ZIM2: variants seen among roughly 807,000 people sequenced by gnomAD.
ZIM2 encodes zinc finger imprinted 2.
In ZIM2, 14 loss-of-function variants were observed where a neutral mutation model predicts 38.6. The ratio of observed to expected loss-of-function variants is 0.36; its 90% CI spans 0.24 to 0.57. The LOEUF (loss-of-function observed/expected upper bound fraction) is 0.57. Ranked by LOEUF, ZIM2 falls within the 20% of genes least tolerant of loss-of-function variation. The pLI is 0.81. For missense variants in ZIM2, 680 were observed against 695.1 expected (o/e 0.98, Z 0.24); for synonymous variants, 247 against 245.8 (o/e 1.00, Z -0.04).
intron 5 of ZIM2, among the ~76,000 whole-genome samples, chr19:56,823,261 G>A (rs1010231): frequency 0.5 from 75,998 of 151,984 alleles, 19,553 homozygotes; most frequent in South Asian, 0.62. Flanking sequence ...CCTGAAAGCA[G>A]TGCTCCCTAT....
intron 9 of ZIM2, chr19:56,815,515 T>C (rs772504413): frequency 6.2e-7 from 1 of 1,614,112 alleles, no homozygotes; most frequent in South Asian, 1.1e-5. Context: ...AGCAAAGCAC[T>C]CCCCACACTC....
intron 2 of ZIM2, among the ~76,000 whole-genome samples, chr19:56,832,641 G>T (rs1411995512): frequency 6.6e-6 from 1 of 152,198 alleles, no homozygotes; most frequent in Admixed American, 6.5e-5. Context: ...TGGGCCAGGG[G>T]ACAAAGAAAG....
chr19:56,831,870 G>A (rs1418798964), intron 2 of ZIM2, among the ~76,000 whole-genome samples: 1 of 152,088 alleles, frequency 6.6e-6, no homozygotes. Context: ...TCCCATTTAC[G>A]TGTACACAGA....
intron 3 of ZIM2, among the ~76,000 whole-genome samples, chr19:56,825,962 A>G (rs1471497086): frequency 6.6e-6 from 1 of 152,156 alleles, no homozygotes; most frequent in East Asian, 1.9e-4. Flanking sequence ...CTCCCTATGC[A>G]AACTGCCCTC....
At chr19:56,817,444 T>C (rs572661707) in intron 9 of ZIM2, 1 of 1,614,028 alleles carries the variant, frequency 6.2e-7, no homozygotes, top group East Asian at 2.2e-5. Flanking sequence ...GTCGCTTGAC[T>C]CCCTTGCTCT....
At chr19:56,800,804 G>T (rs1190926155) in intron 9 of ZIM2, among the ~76,000 whole-genome samples, 1 of 152,076 alleles carries the variant, frequency 6.6e-6, no homozygotes, top group African/African-American at 2.4e-5. Flanking sequence ...TCATGATCAA[G>T]TCTGTGGAAG....
chr19:56,782,458 C>G (rs994278088), intron 10 of ZIM2: 1 of 462,992 alleles, frequency 2.2e-6, no homozygotes, highest in Non-Finnish European at 4.3e-6. Flanking sequence ...GTAGGTTAAG[C>G]CTCAGGGTCC....
At chr19:56,808,639 G>A (rs1423000202) in intron 9 of ZIM2, among the ~76,000 whole-genome samples, 1 of 152,136 alleles carries the variant, frequency 6.6e-6, no homozygotes, top group Non-Finnish European at 1.5e-5. Context: ...TGGCTAGCCT[G>A]CAGACAGTGT....
intron 10 of ZIM2, 47 bp downstream of exon 10, chr19:56,789,820 GAAGAT>G: frequency 7.1e-7 from 1 of 1,414,004 alleles, no homozygotes. Context: ...CACAAATTAG[GAAGAT>G]AAGATCCCCA....
At chr19:56,789,416 G>A (rs927539582) in intron 10 of ZIM2, among the ~76,000 whole-genome samples, 14 of 152,064 alleles carry the variant, frequency 9.2e-5, no homozygotes, top group East Asian at 3.9e-4. Flanking sequence ...TATCTCAATC[G>A]TATTATTTAA....
At chr19:56,829,121 C>A (rs559491353) in intron 2 of ZIM2, among the ~76,000 whole-genome samples, 5 of 151,992 alleles carry the variant, frequency 3.3e-5, no homozygotes, top group Non-Finnish European at 7.4e-5. Flanking sequence ...GAGGCCGAGG[C>A]GGGTAGATTA....
intron 7 of ZIM2, 140 bp from the exon 8 acceptor site, chr19:56,818,842 G>A: frequency 1.0e-6 from 1 of 967,168 alleles, no homozygotes; most frequent in Non-Finnish European, 1.6e-6. Context: ...AGTGATCCAA[G>A]TCAAGTGTTA....
At chr19:56,793,656 T>C (rs551579144) in intron 9 of ZIM2, among the ~76,000 whole-genome samples, 33 of 152,144 alleles carry the variant, frequency 2.2e-4, no homozygotes, top group Non-Finnish European at 3.8e-4. Context: ...AAAACCCCAA[T>C]AGGATAACAC....
At chr19:56,808,978 G>A (rs1364055616) in intron 9 of ZIM2, among the ~76,000 whole-genome samples, 1 of 152,190 alleles carries the variant, frequency 6.6e-6, no homozygotes, top group African/African-American at 2.4e-5. Flanking sequence ...TGACACCAGG[G>A]AGAGGTCAAG....
Position 56,785,270 on chromosome 19 carries a change from C to T in ZIM2, c.571-3149G>A, listed in dbSNP as rs181953006. 3.3e-3 allele frequency among the ~76,000 whole-genome samples: 508 copies of T among 152,188 alleles called. 7 individuals are homozygous for T. Among genetic ancestry groups the T allele is most frequent in the African/African-American group, 0.011 (477 of 41,504 alleles). On this transcript the variant is annotated intron_variant, in intron 10 of 12. Transcript: ENST00000629319. ...TATTTATATTCCCTTGGTAGTCCCT[C>T]CAGGGCATCTTTGCTTGGAATCCCT...
chr19:56,815,740 C>G, intron 9 of ZIM2: 1 of 1,614,138 alleles, frequency 6.2e-7, no homozygotes, highest in Non-Finnish European at 8.5e-7. Context: ...AGGTTTGGCA[C>G]GGAATACACT....
intron 1 of ZIM2, among the ~76,000 whole-genome samples, chr19:56,839,175 T>G (rs934975055): frequency 6.6e-6 from 1 of 150,552 alleles, no homozygotes; most frequent in African/African-American, 2.5e-5. Flanking sequence ...CTAGGTCCAA[T>G]GCCACCCTGT....
intron 9 of ZIM2, chr19:56,816,271 T>C: frequency 6.2e-7 from 1 of 1,614,016 alleles, no homozygotes; most frequent in Non-Finnish European, 8.5e-7. Flanking sequence ...TGGCCCACTA[T>C]GAATGACAGA....
chr19:56,839,141 G>A (rs916439473), intron 1 of ZIM2, among the ~76,000 whole-genome samples: 1 of 152,016 alleles, frequency 6.6e-6, no homozygotes, highest in South Asian at 2.1e-4. Flanking sequence ...ATGGCGCCCA[G>A]GTGGGTGGGG....
Sources: gnomAD v4.1 joint callset for allele counts (sites outside exome capture counted in the v4.1 genomes callset) on GRCh38, gnomAD v4.1.1 for gene constraint, MANE v1.5 for transcripts, NCBI Gene and HGNC (gene_info 2026-07-23, HGNC 2026-07-21) for gene names.